KDELR3: variants seen among roughly 807,000 people sequenced by gnomAD.
KDELR3 encodes KDEL endoplasmic reticulum protein retention receptor 3.
KDELR3 carries 26 observed loss-of-function variants against 22.7 expected under a neutral mutation model. That is an observed-to-expected ratio of 1.15 (90% CI 0.84 to 1.59). The LOEUF is 1.59. Ranked by LOEUF, KDELR3 falls within the 40% of genes most tolerant of loss-of-function variation. The pLI is 0.00. For missense variants in KDELR3, 289 were observed against 251.1 expected (o/e 1.15, Z -1.02); for synonymous variants, 120 against 98.2 (o/e 1.22, Z -1.31).
chr22:38,468,981 G>A (rs2089506586), intron 1 of KDELR3, among the ~76,000 whole-genome samples: 1 of 152,256 alleles, frequency 6.6e-6, no homozygotes, highest in Non-Finnish European at 1.5e-5. Context: ...GGCTGCCAGA[G>A]CCTCCTCCAG....
intron 1 of KDELR3, among the ~76,000 whole-genome samples, 185 bp downstream of exon 1, chr22:38,468,509 C>A (rs896426922): frequency 6.6e-6 from 1 of 152,148 alleles, no homozygotes; most frequent in Non-Finnish European, 1.5e-5. Context: ...GGAGGAGGAC[C>A]CCTCGAGATG....
intron 1 of KDELR3, chr22:38,474,299 C>T (rs1340661825): frequency 2.2e-6 from 1 of 460,048 alleles, no homozygotes; most frequent in Non-Finnish European, 3.9e-6. Context: ...TATTTGGAGA[C>T]TGGGAGACAG....
rs368582176 is a variant in KDELR3, at chr22:38,481,926, AAAAC to A, written c.604+470_604+473del. On this transcript the variant is annotated intron_variant, in intron 4 of 4. Coordinates refer to ENST00000216014, the MANE Select transcript of KDELR3 (RefSeq NM_006855.4). ...AAAATACACTGATAGCTTATGAGCAAAAACAAACAAAAAGACACTTCATATGTTT... is the reference window on the plus strand; with the variant it reads ...AAAATACACTGATAGCTTATGAGCAAAAACAAAAAGACACTTCATATGTTT... 2.5e-3 allele frequency among the ~76,000 whole-genome samples: 383 copies of A among 152,336 alleles called. 4 individuals carry two copies. Among genetic ancestry groups the A allele is most frequent in the African/African-American group, 8.9e-3 (369 of 41,550 alleles).
At chr22:38,480,496 T>G (rs893782564) in intron 3 of KDELR3, among the ~76,000 whole-genome samples, 1 of 152,052 alleles carries the variant, frequency 6.6e-6, no homozygotes, top group Admixed American at 6.6e-5. Context: ...GAAACTATCA[T>G]TTAAGTTATT....
chr22:38,468,415 C>T, intron 1 of KDELR3, 91 bp downstream of exon 1: 2 of 1,104,320 alleles, frequency 1.8e-6, no homozygotes, highest in Non-Finnish European at 2.7e-6. Context: ...GGTGTCTGCT[C>T]AGGGTGGGGA....
In KDELR3 at chr22:38,482,776, T is replaced by C. The variant is rs559919011; in HGVS notation, c.*240T>C. 3.1e-5 allele frequency: 16 copies of C among 523,122 alleles called. No individual in the cohort carries two copies. The South Asian group carries it at 3.9e-4, about 13-fold the overall frequency. 32.4% of individuals were successfully genotyped at this position (523,122 alleles called of 1,614,324 possible). A position where few individuals can be genotyped will look rare whatever the true frequency, so the allele number is the denominator to read the frequency against. On this transcript the variant is annotated 3_prime_UTR_variant, in exon 5 of 5. Coordinates refer to ENST00000216014, the MANE Select transcript of KDELR3 (RefSeq NM_006855.4). ...CACCTGCACAAAGATGGTGCCTCAC[T>C]GCAACAAGAAACCTTAAGGTGTCTT...
intron 2 of KDELR3, 128 bp from the exon 3 acceptor site, chr22:38,479,465 C>A: frequency 2.4e-6 from 2 of 837,274 alleles, no homozygotes; most frequent in Non-Finnish European, 3.8e-6. Context: ...AAATTGCAAA[C>A]ACATTTAACC....
intron 4 of KDELR3, 160 bp downstream of exon 4, chr22:38,481,624 A>G (rs1407807037): frequency 6.8e-7 from 1 of 1,477,598 alleles, no homozygotes. Context: ...AAAGAAACAA[A>G]TGCCATAAAA....
intron 2 of KDELR3, among the ~76,000 whole-genome samples, chr22:38,477,960 GT>G (rs1250068287): frequency 6.6e-6 from 1 of 152,188 alleles, no homozygotes; most frequent in African/African-American, 2.4e-5. Context: ...TCCAGCATTT[GT>G]TTTGTGCCAG....
At chr22:38,473,458 AAAAGAAAG>A in intron 1 of KDELR3, among the ~76,000 whole-genome samples, 2 of 151,458 alleles carry the variant, frequency 1.3e-5, no homozygotes, top group South Asian at 4.2e-4. Context: ...AAAAAAATAA[AAAAGAAAG>A]AAACATCATG....
chr22:38,479,737 T>G lies in KDELR3; in HGVS notation c.337T>G (p.Phe113Val). The G allele has an allele frequency of 4.3e-6, 7 of 1,614,206 alleles. No individual in the cohort carries two copies. The highest frequency in any genetic ancestry group is 5.9e-6 in the Non-Finnish European group (7 of 1,180,030). ...IGLSFLENYS[F>V]TLLEILWTFS... Reference sequence around the variant, plus strand: ...CCTTTCCTTCCTTGAAAACTACAGTTTCACTCTGCTGGAGGTAAGGGAATG... The same window carrying G: ...CCTTTCCTTCCTTGAAAACTACAGTGTCACTCTGCTGGAGGTAAGGGAATG... The change falls in exon 3 of 5, where the codon TTC (phenylalanine) becomes GTC (valine). Residue 113 changes from phenylalanine to valine, a missense_variant. By Grantham distance (50) the Phe-to-Val change is conservative (BLOSUM62 -1). Transcript: ENST00000216014.
intron 2 of KDELR3, among the ~76,000 whole-genome samples, chr22:38,478,628 G>GTTTTTTTTTTTTTT (rs1569133063): frequency 8.3e-5 from 2 of 24,136 alleles, no homozygotes; most frequent in Non-Finnish European, 1.6e-4. Context: ...CAGCATCTGT[G>GTTTTTTTTTTTTTT]ATTTTTTTTT....
intron 1 of KDELR3, 128 bp downstream of exon 1, chr22:38,468,452 T>C: frequency 1.4e-6 from 1 of 696,030 alleles, no homozygotes; most frequent in Admixed American, 2.6e-5. Context: ...CTTGAAACTT[T>C]GCGGAGCTCC....
intron 1 of KDELR3, among the ~76,000 whole-genome samples, chr22:38,469,973 C>A (rs1328259877): frequency 1.3e-5 from 2 of 150,584 alleles, no homozygotes; most frequent in Non-Finnish European, 3.0e-5. Context: ...GCACGCACCA[C>A]CACACCCGGC....
intron 1 of KDELR3, among the ~76,000 whole-genome samples, chr22:38,469,378 G>A (rs112437181): frequency 6.6e-6 from 1 of 152,202 alleles, no homozygotes; most frequent in Non-Finnish European, 1.5e-5. Context: ...TGGTTTGGGA[G>A]CCGGGAAGGG....
rs1433778933 is a variant in KDELR3 at position 38,468,224 on chromosome 22, T to A, written c.-10T>A. 6.2e-7 allele frequency: 1 copy of A among 1,613,460 alleles called. No homozygotes were observed. The highest frequency in any genetic ancestry group is 1.1e-5 in the South Asian group (1 of 91,076). On this transcript the variant is annotated 5_prime_UTR_variant, in exon 1 of 5. Transcript: ENST00000216014. ...TGCTGGGCGCGGGCGCACGACTGAC[T>A]GGCTGGACCATGAACGTGTTCCGAA...
At chr22:38,471,755 G>A (rs1455644624) in intron 1 of KDELR3, among the ~76,000 whole-genome samples, 1 of 152,148 alleles carries the variant, frequency 6.6e-6, no homozygotes, top group East Asian at 1.9e-4. Context: ...CCTGAGCCCA[G>A]GAATTTGAGA....
chr22:38,481,558 A>T (rs2089601472), intron 4 of KDELR3, 94 bp downstream of exon 4: 2 of 1,573,726 alleles, frequency 1.3e-6, no homozygotes, highest in African/African-American at 1.4e-5. Context: ...TGAACAGTCA[A>T]GTCTCTGCCA....
chr22:38,469,769 C>T (rs2145961430), intron 1 of KDELR3, among the ~76,000 whole-genome samples: 1 of 152,352 alleles, frequency 6.6e-6, no homozygotes, highest in East Asian at 1.9e-4. Context: ...ACCTAGAATA[C>T]AGCCCGGACA....
Sources: gnomAD v4.1 joint callset for allele counts (sites outside exome capture counted in the v4.1 genomes callset) on GRCh38, gnomAD v4.1.1 for gene constraint, MANE v1.5 for transcripts, NCBI Gene and HGNC (gene_info 2026-07-23, HGNC 2026-07-21) for gene names.